Variants in INTS3 observed in about 807,000 individuals in gnomAD.
INTS3 encodes integrator complex subunit 3.
In INTS3, 34 loss-of-function variants were observed where a neutral mutation model predicts 146.3. The observed-to-expected ratio is 0.23, with a 90% CI of 0.18 to 0.31. The LOEUF (loss-of-function observed/expected upper bound fraction) is 0.31, where lower values mean the gene tolerates loss of function less well. Ranked by LOEUF, INTS3 falls within the 10% of genes least tolerant of loss-of-function variation. INTS3 has a pLI of 1.00. For synonymous variants in INTS3, 475 were observed against 494.9 expected (o/e 0.96, Z 0.53); for missense variants, 757 against 1,304.2 (o/e 0.58, Z 6.46).
In INTS3 at chr1:153,746,962, C is replaced by T; in HGVS notation, c.324C>T (p.Tyr108=). The T allele has an allele frequency of 6.2e-7, 1 of 1,610,760 alleles. No individual in the cohort carries two copies. Among genetic ancestry groups the T allele is most frequent in the Non-Finnish European group, 8.5e-7 (1 of 1,177,120 alleles). Residue 108 remains tyrosine, a synonymous_variant, in exon 4 of 30, where the codon TAC becomes TAT. Coordinates refer to ENST00000318967, the MANE Select transcript of INTS3 (RefSeq NM_023015.5). ...ACAAACTTTACTTCTCACAGTGTTACCGGGACTTAGCTCTGGTGAGTCGTG... is the reference window on the plus strand; with the variant it reads ...ACAAACTTTACTTCTCACAGTGTTATCGGGACTTAGCTCTGGTGAGTCGTG... ...LTEPAQAQKC[Y]RDLALVSRDG...
Position 153,771,993 on chromosome 1 carries a change from G to A in INTS3, c.2720+30G>A. ...GACACGGTCCCTGTCTACCCTCCAG[G>A]CCATGGCGGTCTGCAGTGATTGCTG... is the stretch of plus-strand genomic sequence containing the variant. On this transcript the variant is annotated intron_variant, in intron 26 of 29. Coordinates refer to ENST00000318967, the MANE Select transcript of INTS3 (RefSeq NM_023015.5). 4 of 1,589,690 alleles carry A rather than the reference G, an allele frequency of 2.5e-6. No homozygotes were observed. In the South Asian group the frequency reaches 3.4e-5, roughly 13 times the overall value.
chr1:153,731,786 C>T (rs1342501059), intron 1 of INTS3, among the ~76,000 whole-genome samples: 3 of 151,002 alleles, frequency 2.0e-5, no homozygotes, highest in Non-Finnish European at 4.4e-5. Context: ...AGGGTTTCAC[C>T]ATGTTAGCCA....
intron 1 of INTS3, among the ~76,000 whole-genome samples, chr1:153,733,496 C>T (rs1671169422): frequency 6.6e-6 from 1 of 151,870 alleles, no homozygotes; most frequent in Non-Finnish European, 1.5e-5. Context: ...CAGGCGTGAG[C>T]CACCGCACCC....
chr1:153,747,468 G>A (rs1295396381), intron 5 of INTS3, 105 bp downstream of exon 5: 1 of 852,350 alleles, frequency 1.2e-6, no homozygotes, highest in Non-Finnish European at 2.0e-6. Flanking sequence ...TTCTTGGATT[G>A]CTTAGACTGT....
chr1:153,770,461 C>G (rs1333021956), intron 24 of INTS3, 150 bp downstream of exon 24: 13 of 703,350 alleles, frequency 1.8e-5, no homozygotes, highest in Non-Finnish European at 3.2e-5. Context: ...CTGTCAGCCA[C>G]TTTTGTTCTT....
At chr1:153,733,364 C>T (rs534123701) in intron 1 of INTS3, among the ~76,000 whole-genome samples, 36 of 151,282 alleles carry the variant, frequency 2.4e-4, no homozygotes, top group African/African-American at 8.7e-4. Context: ...AGGTGTGCAC[C>T]ACCACGCCCA....
At chr1:153,770,098 TGTGTGC>T in intron 23 of INTS3, 94 bp from the exon 24 acceptor site, 2 of 418,784 alleles carry the variant, frequency 4.8e-6, no homozygotes, top group Non-Finnish European at 8.4e-6. Flanking sequence ...TGTGTGTGTG[TGTGTGC>T]TGGTAGTCAG....
chr1:153,735,285 G>T lies in INTS3; in HGVS notation c.151-5366G>T, dbSNP rs550099911. ...CCATGCCTGGCCACAGATTGAATAGGTCTAATTTAAGTGAGGCTGTATGCT... is the reference window on the plus strand; with the variant it reads ...CCATGCCTGGCCACAGATTGAATAGTTCTAATTTAAGTGAGGCTGTATGCT... On this transcript the variant is annotated intron_variant, in intron 1 of 29. Coordinates refer to ENST00000318967, the MANE Select transcript of INTS3 (RefSeq NM_023015.5). 4.0e-3 allele frequency among the ~76,000 whole-genome samples: 606 copies of T among 152,220 alleles called. 8 individuals are homozygous for T. The highest frequency in any genetic ancestry group is 0.014 in the African/African-American group (584 of 41,548).
Position 153,747,325 on chromosome 1 carries a change from C to A in INTS3, c.479C>A (p.Ala160Asp). The change falls in exon 5 of 30, where the codon GCC (alanine) becomes GAC (aspartate). Residue 160 changes from alanine (A) to aspartate (D), a missense_variant. Physicochemically the swap from Ala to Asp is moderately radical, Grantham distance 126. This residue lies in a region of INTS3 where 134 missense variants were observed against 243.1 expected (regional missense o/e 0.55). Transcript: ENST00000318967. ...RELVKSGVLG[A>D]DGVCMTFMKQ... ...CTGGTGAAGAGTGGGGTTCTGGGAGCCGATGGTGTTTGTATGACGTTTATG... is the reference window on the plus strand; with the variant it reads ...CTGGTGAAGAGTGGGGTTCTGGGAGACGATGGTGTTTGTATGACGTTTATG... 6.2e-7 allele frequency: 1 copy of A among 1,614,052 alleles called. No homozygotes were observed. Among genetic ancestry groups the A allele is most frequent in the Non-Finnish European group, 8.5e-7 (1 of 1,179,996 alleles).
chr1:153,742,476 CTCTG>C (rs1013986612), intron 3 of INTS3, among the ~76,000 whole-genome samples: 35 of 60,250 alleles, frequency 5.8e-4, no homozygotes, highest in African/African-American at 1.1e-3. Context: ...GTTTTTTAAT[CTCTG>C]TGTGTGTGTG....
In INTS3 at chr1:153,730,781, C is replaced by G. The variant is rs796341226; in HGVS notation, c.150+1997C>G. Among the ~76,000 whole-genome samples the G allele has an allele frequency of 3.3e-5, 5 of 152,170 alleles. 1 individual carries two copies. Among genetic ancestry groups the G allele is most frequent in the African/African-American group, 1.2e-4 (5 of 41,516 alleles). On this transcript the variant is annotated intron_variant, in intron 1 of 29. Coordinates refer to ENST00000318967, the MANE Select transcript of INTS3 (RefSeq NM_023015.5). ...AATGTGGATGTTTCCCAGTATGTCTCAAGCTCCCCCTTCTTTGCCCTTTGT... is the reference window on the plus strand; with the variant it reads ...AATGTGGATGTTTCCCAGTATGTCTGAAGCTCCCCCTTCTTTGCCCTTTGT...
chr1:153,734,246 G>A (rs1671201659), intron 1 of INTS3, among the ~76,000 whole-genome samples: 1 of 152,196 alleles, frequency 6.6e-6, no homozygotes, highest in South Asian at 2.1e-4. Flanking sequence ...AGACTCTGGA[G>A]ACTAGGGGAA....
intron 1 of INTS3, among the ~76,000 whole-genome samples, chr1:153,736,323 A>G (rs1167252182): frequency 1.3e-5 from 2 of 152,158 alleles, no homozygotes; most frequent in Non-Finnish European, 2.9e-5. Flanking sequence ...TTTTATAGCT[A>G]TGGGAGCTAC....
At position 153,763,181 on chromosome 1, in the gene INTS3, C is replaced by T. The variant is rs3814002; in HGVS notation, c.1637-52C>T. 665 of 1,612,686 alleles carry T rather than the reference C, an allele frequency of 4.1e-4. 9 individuals carry two copies. In the East Asian group the frequency reaches 0.012, roughly 29 times the overall value. ...GGATAAGTCATTGAGGGGACTGTCT[C>T]TGTTGCTGGCATCTGGGCAAACTGA... On this transcript the variant is annotated intron_variant, in intron 15 of 29. Transcript: ENST00000318967.
intron 15 of INTS3, 58 bp downstream of exon 15, chr1:153,762,905 C>G: frequency 1.3e-6 from 2 of 1,598,434 alleles, no homozygotes; most frequent in Non-Finnish European, 1.7e-6. Context: ...GGACCAGTTC[C>G]CAGAAGCAGC....
Position 153,764,634 on chromosome 1 carries a change from G to A in INTS3, c.1926-56G>A, listed in dbSNP as rs58225666. On this transcript the variant is annotated intron_variant, in intron 18 of 29. Coordinates refer to ENST00000318967, the MANE Select transcript of INTS3 (RefSeq NM_023015.5). ...GTGTCTAGCCTCCAGCTGGTCCTCC[G>A]TATGTGCCAGCAGCCCCCCTCACAT... 1.9e-3 allele frequency: 2,494 copies of A among 1,308,504 alleles called. 46 individuals carry two copies. In the African/African-American group the frequency reaches 0.032, roughly 17 times the overall value. 81.1% of individuals were successfully genotyped at this position (1,308,504 alleles called of 1,614,324 possible).
chr1:153,741,461 T>G, intron 3 of INTS3, 93 bp downstream of exon 3: 6 of 928,922 alleles, frequency 6.5e-6, no homozygotes, highest in Non-Finnish European at 1.1e-5. Context: ...TATGAAACTC[T>G]TCGACCAGAG....
intron 1 of INTS3, among the ~76,000 whole-genome samples, chr1:153,737,309 G>C (rs1212683546): frequency 6.6e-6 from 1 of 152,202 alleles, no homozygotes; most frequent in Non-Finnish European, 1.5e-5. Flanking sequence ...AGTTTAGGTG[G>C]TGATAATGGA....
rs780581855 is a variant in INTS3 at position 153,740,730 on chromosome 1, C to T, written c.230C>T (p.Ala77Val). ...AGAGAAGCCAATGATGCCCTCAATG[C>T]GTATGTAAGTAGAATGCTGTCCCTG... ...SEREANDALNAYVCKGLPQHE... is the reference protein window; with the variant it reads ...SEREANDALNVYVCKGLPQHE... The change falls in exon 2 of 30, where the codon GCG (alanine) becomes GTG (valine). Residue 77 changes from alanine (A) to valine (V), a missense_variant. Ala to Val is a moderately conservative substitution (Grantham distance 64, BLOSUM62 0). Around this residue, in one of 8 missense-constraint regions of INTS3, gnomAD observed 160 missense variants for 193.7 expected, o/e 0.83. Coordinates refer to ENST00000318967, the MANE Select transcript of INTS3 (RefSeq NM_023015.5). The T allele has an allele frequency of 3.1e-6, 5 of 1,609,168 alleles. No homozygotes were observed. Among genetic ancestry groups the T allele is most frequent in the Non-Finnish European group, 2.6e-6 (3 of 1,175,722 alleles).
Sources: allele counts gnomAD v4.1 joint callset (sites outside exome capture counted in the v4.1 genomes callset), GRCh38; gene constraint gnomAD v4.1.1; regional missense constraint gnomAD v4.1.1; transcripts MANE v1.5; gene names NCBI Gene and HGNC (gene_info 2026-07-23, HGNC 2026-07-21).